EARS2: variants seen among roughly 807,000 people sequenced by gnomAD.
EARS2 encodes glutamyl-tRNA synthetase 2, mitochondrial.
Under a neutral mutation model 54.1 loss-of-function variants are expected in EARS2, and 50 were observed. The observed-to-expected ratio is 0.92, with a 90% CI of 0.74 to 1.17. EARS2 has a LOEUF of 1.17. Ranked by LOEUF, EARS2 falls within the 50% of genes most tolerant of loss-of-function variation. The pLI, the probability that EARS2 is intolerant of heterozygous loss-of-function variation, is 0.00. For synonymous variants in EARS2, 298 were observed against 281.0 expected (o/e 1.06, Z -0.61); for missense variants, 673 against 675.0 (o/e 1.00, Z 0.03).
At chr16:23,537,146 G>C (rs1361044924) in intron 3 of EARS2, 1 of 223,190 alleles carries the variant, frequency 4.5e-6, no homozygotes, top group East Asian at 1.4e-4. Context: ...AGAAGAAAAA[G>C]TAAGTTGCTC....
At chr16:23,542,049 G>C (rs943823861) in intron 3 of EARS2, among the ~76,000 whole-genome samples, 1 of 151,970 alleles carries the variant, frequency 6.6e-6, no homozygotes, top group Non-Finnish European at 1.5e-5. Context: ...GTAGAGATGG[G>C]GTTTCACCAT....
chr16:23,536,090 G>C (rs1342025643), intron 3 of EARS2, among the ~76,000 whole-genome samples: 3 of 152,120 alleles, frequency 2.0e-5, no homozygotes, highest in Non-Finnish European at 4.4e-5. Context: ...TCAGCCTCTT[G>C]GGAGTCTGCC....
At chr16:23,541,699 C>CCTTTT (rs397708106) in intron 3 of EARS2, among the ~76,000 whole-genome samples, 2 of 42,160 alleles carry the variant, frequency 4.7e-5, no homozygotes. Context: ...TGTGGATCTT[C>CCTTTT]TTTTTTTTTT....
At position 23,544,642 on chromosome 16, in the gene EARS2, C is replaced by A. The variant is rs780654665; in HGVS notation, c.357G>T (p.Gln119His). ...GGPAGPYQQSQRLELYAQATE... is the reference protein window; with the variant it reads ...GGPAGPYQQSHRLELYAQATE... Reference sequence around the variant, plus strand: ...TGGCCTGGGCATACAGCTCCAACCGCTGAGATTGCTGGTAGGGCCCAGCAG... The same window carrying A: ...TGGCCTGGGCATACAGCTCCAACCGATGAGATTGCTGGTAGGGCCCAGCAG... Residue 119 changes from glutamine to histidine, a missense_variant, in exon 3 of 9, where the codon CAG becomes CAT. This residue lies in a region of EARS2 where 316 missense variants were observed against 275.2 expected (regional missense o/e 1.15). Coordinates refer to ENST00000449606, the MANE Select transcript of EARS2 (RefSeq NM_001083614.2). 5 of 1,611,694 alleles carry A rather than the reference C, an allele frequency of 3.1e-6. No homozygotes were observed. Among genetic ancestry groups the A allele is most frequent in the Non-Finnish European group, 4.2e-6 (5 of 1,179,404 alleles).
intron 2 of EARS2, among the ~76,000 whole-genome samples, chr16:23,546,757 CTA>C (rs1965609966): frequency 6.6e-6 from 1 of 152,190 alleles, no homozygotes; most frequent in African/African-American, 2.4e-5. Context: ...CAAGGTCTGC[CTA>C]TGTTGCCCAG....
intron 3 of EARS2, among the ~76,000 whole-genome samples, chr16:23,536,578 C>T (rs1965421068): frequency 6.6e-6 from 1 of 151,996 alleles, no homozygotes. Context: ...GGAAGAATCA[C>T]TGGAGCCCAG....
At chr16:23,550,126 G>A (rs534924754) in intron 2 of EARS2, among the ~76,000 whole-genome samples, 92 of 152,228 alleles carry the variant, frequency 6.0e-4, no homozygotes, top group African/African-American at 2.1e-3. Context: ...TTGGGAGGCC[G>A]AGGCAGGAGA....
At chr16:23,540,216 A>C (rs1033883020) in intron 3 of EARS2, among the ~76,000 whole-genome samples, 1 of 152,114 alleles carries the variant, frequency 6.6e-6, no homozygotes, top group Non-Finnish European at 1.5e-5. Flanking sequence ...CAGCTACTTG[A>C]GAGGCTGAGG....
At chr16:23,557,360 C>A, upstream of EARS2, 1 of 1,539,016 alleles carries the variant, frequency 6.5e-7, no homozygotes, top group Non-Finnish European at 8.7e-7. Context: ...TGGAATAGCA[C>A]ACGTGGGCTT....
intron 1 of EARS2, among the ~76,000 whole-genome samples, chr16:23,554,523 C>T (rs1162051589): frequency 6.6e-6 from 1 of 152,176 alleles, no homozygotes; most frequent in Non-Finnish European, 1.5e-5. Flanking sequence ...TAAGTCTCCA[C>T]AATGAGCTCA....
At chr16:23,532,164 G>A (rs943398865) in intron 5 of EARS2, among the ~76,000 whole-genome samples, 16 of 152,146 alleles carry the variant, frequency 1.1e-4, no homozygotes, top group Middle Eastern at 3.2e-3. Context: ...GAGTTGGAAC[G>A]ATATTTGGAG....
chr16:23,524,060 G>T lies in EARS2; in HGVS notation c.*311C>A. The stretch of plus-strand genomic sequence containing the variant: ...TAGCAAACTGAAACCCAAGCCTTCT[G>T]CACTGTTCCGGGATGTTAACTTTTC... On this transcript the variant is annotated 3_prime_UTR_variant, in exon 9 of 9. Transcript: ENST00000449606. 1 of 349,790 alleles carries T rather than the reference G, an allele frequency of 2.9e-6. No individual in the cohort carries two copies. The highest frequency in any genetic ancestry group is 5.3e-6 in the Non-Finnish European group (1 of 190,166). The allele number at this position is 349,790 out of a possible 1,614,324, so 21.7% of individuals were successfully genotyped here. A position where few individuals can be genotyped will look rare whatever the true frequency, so the allele number is the denominator to read the frequency against.
chr16:23,546,687 C>T (rs1965608481), intron 2 of EARS2, among the ~76,000 whole-genome samples: 1 of 152,204 alleles, frequency 6.6e-6, no homozygotes, highest in South Asian at 2.1e-4. Flanking sequence ...TCCCAAGTAG[C>T]TGAGACTACA....
At chr16:23,550,460 C>CA (rs1435350760) in intron 2 of EARS2, among the ~76,000 whole-genome samples, 1 of 93,448 alleles carries the variant, frequency 1.1e-5, no homozygotes, top group Non-Finnish European at 1.9e-5. Flanking sequence ...TTTTTTGAGA[C>CA]AGAGTCTCAC....
intron 4 of EARS2, among the ~76,000 whole-genome samples, chr16:23,533,744 T>G (rs1333419855): frequency 1.3e-5 from 2 of 152,104 alleles, no homozygotes; most frequent in Admixed American, 1.3e-4. Flanking sequence ...TCCTAGCTGA[T>G]TCCAAAGCAC....
chr16:23,553,355 G>A (rs1352948365), intron 1 of EARS2, among the ~76,000 whole-genome samples: 1 of 152,080 alleles, frequency 6.6e-6, no homozygotes, highest in Non-Finnish European at 1.5e-5. Context: ...GAGAAGCAGA[G>A]AGTTATTCAT....
chr16:23,534,933 C>T lies in EARS2; in HGVS notation c.913G>A (p.Asp305Asn), dbSNP rs368574794. Residue 305 changes from aspartate (D) to asparagine (N), a missense_variant, in exon 4 of 9, where the codon GAT becomes AAT. Transcript: ENST00000449606. The part of the protein sequence containing the change: ...EHFAADGFLP[D>N]SLLDIITNCG... The stretch of plus-strand genomic sequence containing the variant: ...TTGGTGATGATGTCCAACAAGGAAT[C>T]GGGCAGGAAGCCATCAGCAGCAAAG... 88 of 1,600,460 alleles carry T rather than the reference C, an allele frequency of 5.5e-5. 1 individual carries two copies. The South Asian group carries it at 5.8e-4, about 11-fold the overall frequency.
intron 2 of EARS2, among the ~76,000 whole-genome samples, chr16:23,548,845 C>A (rs1241528535): frequency 6.6e-6 from 1 of 152,314 alleles, no homozygotes; most frequent in East Asian, 1.9e-4. Context: ...ACTGAATGGT[C>A]CTTTTTCCAA....
intron 3 of EARS2, among the ~76,000 whole-genome samples, chr16:23,542,321 T>TTTC (rs1555503924): frequency 2.4e-5 from 3 of 123,140 alleles, no homozygotes; most frequent in Middle Eastern, 4.4e-3. Context: ...TTTTTCTTTT[T>TTTC]TTTTTTTTTT....
Sources: gnomAD v4.1 joint callset for allele counts (sites outside exome capture counted in the v4.1 genomes callset) on GRCh38, gnomAD v4.1.1 for gene constraint, gnomAD v4.1.1 regional missense constraint, MANE v1.5 for transcripts, NCBI Gene and HGNC (gene_info 2026-07-23, HGNC 2026-07-21) for gene names.